HK1: variants seen among roughly 807,000 people sequenced by gnomAD.
HK1 encodes the protein hexokinase 1.
HK1 carries 28 observed loss-of-function variants against 91.6 expected under a neutral mutation model. The ratio of observed to expected loss-of-function variants is 0.31; its 90% CI spans 0.23 to 0.42. The LOEUF (loss-of-function observed/expected upper bound fraction) is 0.42. Among genes scored for constraint, HK1 ranks in the 10% least tolerant of loss-of-function variants. The pLI, the probability that HK1 is intolerant of heterozygous loss-of-function variation, is 1.00. For synonymous variants in HK1, 430 were observed against 468.1 expected (o/e 0.92, Z 1.05); for missense variants, 770 against 1,219.8 (o/e 0.63, Z 5.49).
intron 1 of HK1, among the ~76,000 whole-genome samples, chr10:69,322,000 G>T (rs979563485): frequency 6.6e-6 from 1 of 152,222 alleles, no homozygotes. Context: ...GCAGCTAGAG[G>T]CTGGGTTCTT....
intron 4 of HK1, chr10:69,295,777 C>A: frequency 1.2e-6 from 1 of 846,026 alleles, no homozygotes; most frequent in Non-Finnish European, 2.0e-6. Context: ...TTCAGCCAGC[C>A]AAGCAGCTGT....
At chr10:69,343,480 C>G (rs1848392015) in intron 1 of HK1, among the ~76,000 whole-genome samples, 1 of 152,150 alleles carries the variant, frequency 6.6e-6, no homozygotes. Flanking sequence ...AGTGAGCCAG[C>G]CAATTCTCAG....
Position 69,380,120 on chromosome 10 carries a change from G to A in HK1, c.1265+25G>A. Reference sequence around the variant, plus strand: ...AGTGAGTCTGCCCTTTGCTATCATTGGCACTCTGTACCCATTGTGGGTAGG... The same window carrying A: ...AGTGAGTCTGCCCTTTGCTATCATTAGCACTCTGTACCCATTGTGGGTAGG... On this transcript the variant is annotated intron_variant, in intron 9 of 17. Coordinates refer to ENST00000359426, the MANE Select transcript of HK1 (RefSeq NM_000188.3). The surrounding 1 kb of genome is among the most constrained non-coding windows in gnomAD (Gnocchi z 4.0). 1 of 1,575,392 alleles carries A rather than the reference G, an allele frequency of 6.3e-7. No individual in the cohort carries two copies. The highest frequency in any genetic ancestry group is 2.2e-5 in the East Asian group (1 of 44,694).
At chr10:69,280,408 C>A (rs181064175) in intron 1 of HK1, among the ~76,000 whole-genome samples, 1 of 152,224 alleles carries the variant, frequency 6.6e-6, no homozygotes, top group Non-Finnish European at 1.5e-5. Context: ...TGAGCCACCA[C>A]GCCCAGCCCG....
At chr10:69,348,637 C>T (rs1054862855) in intron 2 of HK1, among the ~76,000 whole-genome samples, 7 of 152,112 alleles carry the variant, frequency 4.6e-5, no homozygotes, top group Non-Finnish European at 8.8e-5. Flanking sequence ...ATGGCGAAAC[C>T]CCGTCTCTAC....
In HK1 at chr10:69,365,414, T is replaced by C. The variant is rs999882472; in HGVS notation, c.495+512T>C. On this transcript the variant is annotated intron_variant, in intron 4 of 17. Coordinates refer to ENST00000359426, the MANE Select transcript of HK1 (RefSeq NM_000188.3). ...CACCTTCCTGTTTGTCATCTATTTGTTTTTTCATTCGTTCATTCATTCAGC... is the reference window on the plus strand; with the variant it reads ...CACCTTCCTGTTTGTCATCTATTTGCTTTTTCATTCGTTCATTCATTCAGC... Among the ~76,000 whole-genome samples the C allele has an allele frequency of 6.6e-5, 10 of 152,188 alleles. No individual in the cohort carries two copies. The East Asian group carries it at 1.9e-3, about 29-fold the overall frequency.
intron 1 of HK1, among the ~76,000 whole-genome samples, chr10:69,270,476 G>A (rs529968148): frequency 2.7e-4 from 41 of 152,116 alleles, no homozygotes; most frequent in Middle Eastern, 3.4e-3. Flanking sequence ...CTAGCTACTC[G>A]GGAGGCTGAA....
At chr10:69,341,219 T>C (rs1295063572) in intron 1 of HK1, among the ~76,000 whole-genome samples, 2 of 151,832 alleles carry the variant, frequency 1.3e-5, no homozygotes, top group African/African-American at 4.8e-5. Flanking sequence ...TGGGGTACAG[T>C]GGCAGGATCA....
intron 2 of HK1, among the ~76,000 whole-genome samples, chr10:69,351,674 A>C (rs1848883974): frequency 6.6e-6 from 1 of 152,174 alleles, no homozygotes; most frequent in Admixed American, 6.5e-5. Context: ...AGTTCTGTCC[A>C]GGAGGCAGTT....
chr10:69,284,566 C>A (rs532654013), intron 2 of HK1, among the ~76,000 whole-genome samples: 1 of 152,302 alleles, frequency 6.6e-6, no homozygotes, highest in African/African-American at 2.4e-5. Flanking sequence ...GTAATCCCAG[C>A]ACTTCGGGAA....
At chr10:69,287,490 C>A (rs966008421) in intron 2 of HK1, among the ~76,000 whole-genome samples, 8 of 152,188 alleles carry the variant, frequency 5.3e-5, no homozygotes, top group African/African-American at 1.7e-4. Context: ...TTCCTCAGTA[C>A]ATATATTTTA....
At chr10:69,349,777 G>C (rs912669192) in intron 2 of HK1, among the ~76,000 whole-genome samples, 6 of 152,150 alleles carry the variant, frequency 3.9e-5, no homozygotes, top group African/African-American at 1.4e-4. Context: ...TGTTATGGAG[G>C]GCAAGTGGGT....
chr10:69,325,840 A>AT (rs533964611), intron 1 of HK1, among the ~76,000 whole-genome samples: 9,285 of 134,068 alleles, frequency 0.069, 337 homozygotes, highest in Middle Eastern at 0.1. Flanking sequence ...TCTGGACTGC[A>AT]TTTTTTTTTT....
chr10:69,302,196 G>A (rs1225781806), intron 5 of HK1, among the ~76,000 whole-genome samples: 3 of 150,964 alleles, frequency 2.0e-5, no homozygotes, highest in African/African-American at 7.3e-5. Context: ...GCGGTGAGCT[G>A]AGATCACACC....
intron 16 of HK1, 65 bp from the exon 17 acceptor site, chr10:69,398,530 C>T (rs933725356): frequency 2.2e-5 from 27 of 1,245,744 alleles, no homozygotes; most frequent in Admixed American, 3.7e-5. Context: ...GTCCTTTGGA[C>T]GTGGTCTCCA....
chr10:69,351,246 G>A (rs1286908050), intron 2 of HK1, among the ~76,000 whole-genome samples: 2 of 151,714 alleles, frequency 1.3e-5, no homozygotes, highest in South Asian at 2.1e-4. Flanking sequence ...GGTGGCTCAC[G>A]CCTATAATCC....
At chr10:69,347,048 T>G (rs1207372724) in intron 2 of HK1, among the ~76,000 whole-genome samples, 1 of 152,134 alleles carries the variant, frequency 6.6e-6, no homozygotes, top group Non-Finnish European at 1.5e-5. Flanking sequence ...TTTTCCTTTT[T>G]TTTTTTGAGA....
chr10:69,380,093 A>T lies in HK1; in HGVS notation c.1263A>T (p.Pro421=). 1 of 1,609,026 alleles carries T rather than the reference A, an allele frequency of 6.2e-7. No individual in the cohort carries two copies. Among genetic ancestry groups the T allele is most frequent in the Non-Finnish European group, 8.5e-7 (1 of 1,175,354 alleles). ...ACGGATCTCTTTACAAGACGCACCCACAGTGAGTCTGCCCTTTGCTATCAT... is the reference window on the plus strand; with the variant it reads ...ACGGATCTCTTTACAAGACGCACCCTCAGTGAGTCTGCCCTTTGCTATCAT... ...GVDGSLYKTH[P]QYSRRFHKTL... Residue 421 remains proline, a splice_region_variant and synonymous_variant, in exon 9 of 18, where the codon CCA becomes CCT. Coordinates refer to ENST00000359426, the MANE Select transcript of HK1 (RefSeq NM_000188.3). The surrounding 1 kb of genome is among the most constrained non-coding windows in gnomAD (Gnocchi z 4.0).
chr10:69,329,619 C>T (rs1847592256), intron 1 of HK1, among the ~76,000 whole-genome samples: 5 of 152,202 alleles, frequency 3.3e-5, no homozygotes, highest in Admixed American at 3.3e-4. Flanking sequence ...GACCACACAA[C>T]TCATGAATGA....
Sources: allele counts gnomAD v4.1 joint callset (sites outside exome capture counted in the v4.1 genomes callset), GRCh38; gene constraint gnomAD v4.1.1; non-coding constraint Gnocchi (gnomAD v3.1); transcripts MANE v1.5; gene names NCBI Gene and HGNC (gene_info 2026-07-23, HGNC 2026-07-21).